Variants in ABHD10 observed in about 807,000 individuals in gnomAD.
ABHD10 encodes palmitoyl-protein thioesterase ABHD10, mitochondrial.
ABHD10 carries 22 observed loss-of-function variants against 33.1 expected under a neutral mutation model. That is an observed-to-expected ratio of 0.66 (90% confidence interval 0.47 to 0.95). ABHD10 has a LOEUF of 0.95. Ranked by LOEUF, ABHD10 falls within the 40% of genes least tolerant of loss-of-function variation. ABHD10 has a pLI of 0.00. For synonymous variants in ABHD10, 146 were observed against 133.9 expected (o/e 1.09, Z -0.62); for missense variants, 352 against 379.9 (o/e 0.93, Z 0.61).
In ABHD10 at chr3:111,986,496, C is replaced by T. The variant is rs553409452; in HGVS notation, c.438+121C>T. 5.9e-5 allele frequency: 40 copies of T among 680,248 alleles called. No homozygotes were observed. In the African/African-American group the frequency reaches 6.2e-4, roughly 11 times the overall value. 42.1% of individuals were successfully genotyped at this position (680,248 alleles called of 1,614,324 possible). A position where few individuals can be genotyped will look rare whatever the true frequency, so the allele number is the denominator to read the frequency against. Reference sequence around the variant, plus strand: ...TGTCACCCAGCCTGGAGTGCAGTGGCGCAATCTTGGCTCACTGCAAGCTCT... The same window carrying T: ...TGTCACCCAGCCTGGAGTGCAGTGGTGCAATCTTGGCTCACTGCAAGCTCT... On this transcript the variant is annotated intron_variant, in intron 3 of 4. Transcript: ENST00000273359.
At chr3:111,980,587 A>G (rs2072570824) in intron 1 of ABHD10, among the ~76,000 whole-genome samples, 1 of 152,220 alleles carries the variant, frequency 6.6e-6, no homozygotes, top group African/African-American at 2.4e-5. Context: ...TTAAAAAAAT[A>G]TCTACTTGTT....
rs2072749562 is a variant in ABHD10, at chr3:111,992,202, A to T, written c.*481A>T. ...AAGCATAATAAAGTTCACAATAAGG[A>T]TAATACTTTATATAATGTATAAAGT... On this transcript the variant is annotated 3_prime_UTR_variant, in exon 5 of 5. Coordinates refer to ENST00000273359, the MANE Select transcript of ABHD10 (RefSeq NM_018394.4). 1 of 149,652 alleles carries T rather than the reference A, an allele frequency of 6.7e-6. No homozygotes were observed. The highest frequency in any genetic ancestry group is 2.1e-4 in the South Asian group (1 of 4,824). The allele number at this position is 149,652 out of a possible 1,614,324, so 9.3% of individuals were successfully genotyped here. A position where few individuals can be genotyped will look rare whatever the true frequency, so the allele number is the denominator to read the frequency against.
At chr3:111,982,120 A>G (rs1363436145) in intron 2 of ABHD10, 153 bp downstream of exon 2, 7 of 657,334 alleles carry the variant, frequency 1.1e-5, no homozygotes, top group Non-Finnish European at 1.5e-5. Context: ...GGTAATTTTA[A>G]AAGCAACCTT....
At chr3:111,986,592 C>T (rs1053238113) in intron 3 of ABHD10, among the ~76,000 whole-genome samples, 22 of 148,018 alleles carry the variant, frequency 1.5e-4, no homozygotes, top group Non-Finnish European at 2.9e-5. Flanking sequence ...CCCGCCACCA[C>T]GCCCGGCTAA....
In ABHD10 at chr3:111,991,676, C is replaced by T. The variant is rs1245278366; in HGVS notation, c.876C>T (p.Tyr292=). Residue 292 remains tyrosine (Y), a synonymous_variant, in exon 5 of 5, where the codon TAC becomes TAT. Transcript: ENST00000273359. Reference sequence around the variant, plus strand: ...AAGCAGACATTCAACTTCTTGTTTACACTATTGATGACTTAATTGATAAGC... The same window carrying T: ...AAGCAGACATTCAACTTCTTGTTTATACTATTGATGACTTAATTGATAAGC... ...REKADIQLLV[Y]TIDDLIDKLS... 8.1e-6 allele frequency: 13 copies of T among 1,613,826 alleles called. No homozygotes were observed. The highest frequency in any genetic ancestry group is 1.3e-5 in the African/African-American group (1 of 74,916).
At chr3:111,980,605 A>G (rs969972429) in intron 1 of ABHD10, among the ~76,000 whole-genome samples, 6 of 152,234 alleles carry the variant, frequency 3.9e-5, no homozygotes, top group Non-Finnish European at 8.8e-5. Context: ...GTTTCTTAAG[A>G]GCAAGTATAG....
intron 1 of ABHD10, among the ~76,000 whole-genome samples, chr3:111,980,614 A>C (rs1209458960): frequency 6.6e-6 from 1 of 152,232 alleles, no homozygotes; most frequent in Admixed American, 6.5e-5. Flanking sequence ...GAGCAAGTAT[A>C]GATTTTATAA....
At chr3:111,981,420 A>G (rs79269519) in intron 1 of ABHD10, among the ~76,000 whole-genome samples, 6 of 152,268 alleles carry the variant, frequency 3.9e-5, no homozygotes, top group Non-Finnish European at 7.4e-5. Context: ...GGCTGAAACT[A>G]TTGCGGGTAA....
intron 4 of ABHD10, chr3:111,990,736 G>A (rs1443717849): frequency 7.1e-7 from 1 of 1,410,200 alleles, no homozygotes; most frequent in Non-Finnish European, 9.4e-7. Context: ...TTTACATTCA[G>A]CCTAAAATTG....
chr3:111,987,323 C>CT (rs199640597), intron 4 of ABHD10, among the ~76,000 whole-genome samples: 2 of 151,136 alleles, frequency 1.3e-5, no homozygotes, highest in Non-Finnish European at 1.5e-5. Context: ...TTTGAAGTTT[C>CT]TTTTTTTTTA....
intron 1 of ABHD10, 23 bp downstream of exon 1, chr3:111,979,226 T>C (rs1440137856): frequency 6.3e-7 from 1 of 1,580,212 alleles, no homozygotes; most frequent in South Asian, 1.1e-5. Context: ...AAGGCGGGAG[T>C]AGGATGCGTT....
intron 4 of ABHD10, among the ~76,000 whole-genome samples, chr3:111,987,733 A>G (rs1240055289): frequency 2.6e-5 from 4 of 152,244 alleles, no homozygotes; most frequent in Non-Finnish European, 4.4e-5. Flanking sequence ...TTTTTTTTCC[A>G]GATATTTTTG....
At chr3:111,985,804 A>G (rs1432247268) in intron 2 of ABHD10, among the ~76,000 whole-genome samples, 2 of 142,326 alleles carry the variant, frequency 1.4e-5, no homozygotes, top group African/African-American at 2.5e-5. Context: ...GCGAAGATAC[A>G]GTTGGGAGGG....
At chr3:111,981,541 A>G (rs190756923) in intron 1 of ABHD10, among the ~76,000 whole-genome samples, 3 of 152,228 alleles carry the variant, frequency 2.0e-5, no homozygotes, top group Admixed American at 1.3e-4. Flanking sequence ...CGCATTGTGT[A>G]TTTTGGAAGA....
At chr3:111,983,758 G>A (rs2072617320) in intron 2 of ABHD10, among the ~76,000 whole-genome samples, 1 of 152,088 alleles carries the variant, frequency 6.6e-6, no homozygotes, top group Non-Finnish European at 1.5e-5. Context: ...CCTAAAATAA[G>A]ACTGATTCAG....
chr3:111,987,130 G>A lies in ABHD10; in HGVS notation c.576+79G>A, dbSNP rs142269214. ...CTGCTCCCTCTTTCTTTGAGGGAAG[G>A]GGGGACAGAAAACAATAATTCCTTT... is the stretch of plus-strand genomic sequence containing the variant. On this transcript the variant is annotated intron_variant, in intron 4 of 4. Transcript: ENST00000273359. 939 of 1,507,552 alleles carry A rather than the reference G, an allele frequency of 6.2e-4. 3 individuals are homozygous for A. The highest frequency in any genetic ancestry group is 6.9e-4 in the African/African-American group (49 of 71,146). The allele number at this position is 1,507,552 out of a possible 1,614,324, so 93.4% of individuals were successfully genotyped here. A position where few individuals can be genotyped will look rare whatever the true frequency, so the allele number is the denominator to read the frequency against.
intron 1 of ABHD10, among the ~76,000 whole-genome samples, chr3:111,980,897 C>T (rs1577246697): frequency 6.6e-6 from 1 of 151,882 alleles, no homozygotes; most frequent in Non-Finnish European, 1.5e-5. Context: ...TTGAGGTAGG[C>T]GGATGGGTGG....
intron 4 of ABHD10, among the ~76,000 whole-genome samples, chr3:111,990,505 A>C (rs1211487056): frequency 5.3e-5 from 8 of 151,926 alleles, no homozygotes; most frequent in Non-Finnish European, 1.2e-4. Context: ...CATGTTACTC[A>C]TTATACAAAA....
chr3:111,980,081 T>C (rs1198872667), intron 1 of ABHD10, among the ~76,000 whole-genome samples: 5 of 152,250 alleles, frequency 3.3e-5, no homozygotes, highest in Admixed American at 6.5e-5. Flanking sequence ...GCACCAGGCT[T>C]TGAATTAATC....
Sources: gnomAD v4.1 joint callset for allele counts (sites outside exome capture counted in the v4.1 genomes callset) on GRCh38, gnomAD v4.1.1 for gene constraint, MANE v1.5 for transcripts, NCBI Gene and HGNC (gene_info 2026-07-23, HGNC 2026-07-21) for gene names.